ZNF57: variants seen among roughly 807,000 people sequenced by gnomAD.
ZNF57 encodes the protein zinc finger protein 57, also known as zinc finger protein 424.
ZNF57 carries 11 observed loss-of-function variants against 13.4 expected under a neutral mutation model. That is an observed-to-expected ratio of 0.82 (90% CI 0.52 to 1.36). The LOEUF (loss-of-function observed/expected upper bound fraction) is 1.36. Ranked by LOEUF, ZNF57 falls within the 40% of genes most tolerant of loss-of-function variation. The probability of loss-of-function intolerance (pLI) is 0.00; values close to 1 mark genes in which losing one functional copy is unlikely to be tolerated. For missense variants in ZNF57, 696 were observed against 667.5 expected (o/e 1.04, Z -0.47); for synonymous variants, 224 against 238.5 (o/e 0.94, Z 0.56).
chr19:2,908,904 C>CT (rs111863136), intron 1 of ZNF57, among the ~76,000 whole-genome samples: 127,248 of 150,858 alleles, frequency 0.84, 53,564 homozygotes, highest in Non-Finnish European at 0.89. Context: ...TGTTGTTTCT[C>CT]TTTTTTTCCT....
At position 2,901,056 on chromosome 19, in the gene ZNF57, C is replaced by G. The variant is rs1276706505; in HGVS notation, c.3+8C>G. ...AGGAGCAGGGGAGACATGGTGAGTG[C>G]GAGGCAGGAGCAGAGCCAGGGGACG... is the stretch of plus-strand genomic sequence containing the variant. On this transcript the variant is annotated splice_region_variant and intron_variant, in intron 1 of 3. Coordinates refer to ENST00000306908, the MANE Select transcript of ZNF57 (RefSeq NM_173480.3). 1.9e-6 allele frequency: 3 copies of G among 1,558,504 alleles called. No homozygotes were observed. In the East Asian group the frequency reaches 7.1e-5, roughly 37 times the overall value.
At chr19:2,911,056 G>A (rs142569830) in intron 1 of ZNF57, among the ~76,000 whole-genome samples, 290 of 144,074 alleles carry the variant, frequency 2.0e-3, no homozygotes, top group African/African-American at 7.1e-3. Flanking sequence ...TTTAGTGATA[G>A]CCCTAGAGAT....
chr19:2,911,920 A>T (rs2144928951), intron 1 of ZNF57, among the ~76,000 whole-genome samples: 1 of 152,238 alleles, frequency 6.6e-6, no homozygotes, highest in South Asian at 2.1e-4. Context: ...TTAAATTCCC[A>T]GTCTGATAAT....
intron 1 of ZNF57, among the ~76,000 whole-genome samples, chr19:2,909,278 T>TATTTA (rs1278973576): frequency 4.0e-4 from 48 of 120,724 alleles, no homozygotes; most frequent in Non-Finnish European, 8.3e-4. Context: ...TTTATTTATT[T>TATTTA]TTGTTTTTTT....
At chr19:2,915,719 A>T in intron 2 of ZNF57, 71 bp downstream of exon 2, 1 of 1,609,352 alleles carries the variant, frequency 6.2e-7, no homozygotes, top group Non-Finnish European at 8.5e-7. Flanking sequence ...CTGTTGCAAG[A>T]TGTGAAATGT....
At chr19:2,903,715 T>A (rs970500241) in intron 1 of ZNF57, among the ~76,000 whole-genome samples, 1 of 67,964 alleles carries the variant, frequency 1.5e-5, no homozygotes, top group Non-Finnish European at 3.3e-5. Flanking sequence ...TTGCCTCCTT[T>A]GAATTTTTTT....
intron 2 of ZNF57, 176 bp downstream of exon 2, chr19:2,915,824 A>T: frequency 8.7e-7 from 1 of 1,152,904 alleles, no homozygotes; most frequent in Non-Finnish European, 1.3e-6. Flanking sequence ...AACAGATGTT[A>T]TTTCTGTCTT....
chr19:2,910,676 G>A (rs190139872), intron 1 of ZNF57, among the ~76,000 whole-genome samples: 4,546 of 113,458 alleles, frequency 0.04, 1,091 homozygotes, highest in African/African-American at 0.13. Context: ...TAGCCACGAT[G>A]GTCTCAATCT....
At chr19:2,905,338 A>G (rs1448323680) in intron 1 of ZNF57, among the ~76,000 whole-genome samples, 2 of 127,078 alleles carry the variant, frequency 1.6e-5, no homozygotes, top group Non-Finnish European at 3.2e-5. Flanking sequence ...TTAATTTTTA[A>G]ATTTTTAGTA....
In ZNF57 at chr19:2,918,360, C is replaced by G; in HGVS notation, c.*71C>G. On this transcript the variant is annotated 3_prime_UTR_variant, in exon 4 of 4. Transcript: ENST00000306908. Reference sequence around the variant, plus strand: ...GTATAATGCTCCAGAAAATTCACACCAGGAGAGAAATCTTACAAGTATGAT... The same window carrying G: ...GTATAATGCTCCAGAAAATTCACACGAGGAGAGAAATCTTACAAGTATGAT... The G allele has an allele frequency of 1.4e-6, 2 of 1,466,460 alleles. No individual in the cohort carries two copies. The highest frequency in any genetic ancestry group is 1.4e-5 in the South Asian group (1 of 72,500). The allele number at this position is 1,466,460 out of a possible 1,614,324, so 90.8% of individuals were successfully genotyped here. A position where few individuals can be genotyped will look rare whatever the true frequency, so the allele number is the denominator to read the frequency against.
intron 1 of ZNF57, among the ~76,000 whole-genome samples, chr19:2,914,962 G>A (rs917991794): frequency 1.6e-4 from 24 of 152,076 alleles, no homozygotes; most frequent in African/African-American, 5.8e-4. Flanking sequence ...TATTCATACA[G>A]TTGCCTTTAA....
chr19:2,912,930 G>A (rs1447044674), intron 1 of ZNF57, among the ~76,000 whole-genome samples: 1 of 151,958 alleles, frequency 6.6e-6, no homozygotes, highest in Non-Finnish European at 1.5e-5. Context: ...ATTTTTCTTG[G>A]AGAAATGTCT....
intron 1 of ZNF57, among the ~76,000 whole-genome samples, chr19:2,903,705 T>C (rs2088048394): frequency 8.2e-6 from 1 of 122,366 alleles, no homozygotes; most frequent in Admixed American, 9.8e-5. Flanking sequence ...AGTTTTAATT[T>C]TGCCTCCTTT....
Position 2,917,949 on chromosome 19 carries a change from C to T in ZNF57, c.1328C>T (p.Thr443Met), listed in dbSNP as rs142727006. 7.2e-4 allele frequency: 1,159 copies of T among 1,613,594 alleles called. 3 individuals are homozygous for T. The highest frequency in any genetic ancestry group is 6.6e-3 in the African/African-American group (495 of 74,924). Residue 443 changes from threonine (T) to methionine (M), a missense_variant, in exon 4 of 4, where the codon ACG (threonine) becomes ATG (methionine). By Grantham distance (81) the Thr-to-Met change is moderately conservative. Coordinates refer to ENST00000306908, the MANE Select transcript of ZNF57 (RefSeq NM_173480.3). ...STFREHVRIH[T>M]QEQLHKCEHC... is the part of the protein sequence containing the mutation. Reference sequence around the variant, plus strand: ...TTTAGAGAACATGTGAGAATTCACACGCAAGAGCAGCTCCATAAATGTGAA... The same window carrying T: ...TTTAGAGAACATGTGAGAATTCACATGCAAGAGCAGCTCCATAAATGTGAA...
chr19:2,911,154 C>T (rs998818846), intron 1 of ZNF57, among the ~76,000 whole-genome samples: 11 of 152,076 alleles, frequency 7.2e-5, no homozygotes, highest in African/African-American at 2.7e-4. Flanking sequence ...CCTTAATCTC[C>T]TGGGCTCAAG....
At position 2,905,411 on chromosome 19, in the gene ZNF57, C is replaced by CCCCCCCCCG. The variant is rs1950255893; in HGVS notation, c.3+4370_3+4371insCGCCCCCCC. ...AACTCTTGACTTCAGGTGATCGCCC[C>CCCCCCCCCG]CCCCCCCTCGGCATTCCAAAGTATT... On this transcript the variant is annotated intron_variant, in intron 1 of 3. Transcript: ENST00000306908. 2.9e-5 allele frequency among the ~76,000 whole-genome samples: 2 copies of CCCCCCCCCG among 68,096 alleles called. 1 individual carries two copies. The highest frequency in any genetic ancestry group is 5.3e-4 in the East Asian group (2 of 3,804). The allele number at this position is 68,096 out of a possible 152,430, so 44.7% of individuals were successfully genotyped here.
rs954022128 is a variant in ZNF57 at position 2,901,145 on chromosome 19, G to C, written c.3+97G>C. 1.9e-5 allele frequency: 27 copies of C among 1,447,850 alleles called. No homozygotes were observed. In the African/African-American group the frequency reaches 2.9e-4, roughly 16 times the overall value. The allele number at this position is 1,447,850 out of a possible 1,614,324, so 89.7% of individuals were successfully genotyped here. A position where few individuals can be genotyped will look rare whatever the true frequency, so the allele number is the denominator to read the frequency against. ...GAAGTCTGCGGCCGGGATTGGCTGA[G>C]GGACGCGCGGGGCGGCGCAGGACTA... On this transcript the variant is annotated intron_variant, in intron 1 of 3. Transcript: ENST00000306908.
chr19:2,904,924 G>A (rs2088059877), intron 1 of ZNF57, among the ~76,000 whole-genome samples: 1 of 152,138 alleles, frequency 6.6e-6, no homozygotes, highest in African/African-American at 2.4e-5. Flanking sequence ...ACTTCTGAAT[G>A]GGCTCTGCTC....
chr19:2,915,994 C>G, intron 2 of ZNF57, 84 bp from the exon 3 acceptor site: 1 of 1,453,052 alleles, frequency 6.9e-7, no homozygotes, highest in Non-Finnish European at 9.3e-7. Context: ...TGATGAGGTC[C>G]TCAAAATGCT....
Sources: gnomAD v4.1 joint callset for allele counts (sites outside exome capture counted in the v4.1 genomes callset) on GRCh38, gnomAD v4.1.1 for gene constraint, MANE v1.5 for transcripts, NCBI Gene and HGNC (gene_info 2026-07-23, HGNC 2026-07-21) for gene names.